Variants in LRRC4C observed in about 807,000 individuals in gnomAD.
The protein encoded by LRRC4C is leucine rich repeat containing 4C, also known as leucine-rich repeat-containing protein 4C.
In LRRC4C, 5 loss-of-function variants were observed where a neutral mutation model predicts 33.6. The ratio of observed to expected loss-of-function variants is 0.15; its 90% CI spans 0.08 to 0.31. LRRC4C has a LOEUF of 0.31. LRRC4C is among the 10% of genes least tolerant of loss of function. The probability of loss-of-function intolerance (pLI) is 1.00; values close to 1 mark genes in which losing one functional copy is unlikely to be tolerated. For synonymous variants in LRRC4C, 329 were observed against 302.0 expected (o/e 1.09, Z -0.93); for missense variants, 560 against 796.7 (o/e 0.70, Z 3.58).
chr11:41,075,172 T>G (rs1352494640), intron 1 of LRRC4C, among the ~76,000 whole-genome samples: 1 of 151,964 alleles, frequency 6.6e-6, no homozygotes, highest in Non-Finnish European at 1.5e-5. Flanking sequence ...GCAGGAGATG[T>G]TTAGGCTCAA....
intron 2 of LRRC4C, among the ~76,000 whole-genome samples, chr11:40,673,257 G>A (rs1324005119): frequency 6.6e-6 from 1 of 151,878 alleles, no homozygotes; most frequent in African/African-American, 2.4e-5. Context: ...TTAGGAGAAG[G>A]GCAGTTCTCA....
chr11:40,676,318 G>T (rs1216433958), intron 2 of LRRC4C, among the ~76,000 whole-genome samples: 3 of 152,010 alleles, frequency 2.0e-5, no homozygotes, highest in African/African-American at 7.2e-5. Context: ...TCCAATCCTT[G>T]TCTTTTGGTT....
At chr11:40,738,441 T>A (rs1947994030) in intron 2 of LRRC4C, among the ~76,000 whole-genome samples, 1 of 152,188 alleles carries the variant, frequency 6.6e-6, no homozygotes, top group African/African-American at 2.4e-5. Context: ...CTATTTCTAA[T>A]GTCTCTCTAG....
intron 1 of LRRC4C, among the ~76,000 whole-genome samples, chr11:41,001,411 T>G (rs1854366026): frequency 6.6e-6 from 1 of 152,154 alleles, no homozygotes; most frequent in South Asian, 2.1e-4. Flanking sequence ...TCAGTCTACA[T>G]AAATAAACAT....
chr11:41,339,164 A>G (rs1467613021), intron 1 of LRRC4C, among the ~76,000 whole-genome samples: 1 of 152,196 alleles, frequency 6.6e-6, no homozygotes, highest in Non-Finnish European at 1.5e-5. Flanking sequence ...ATTGGTCTTC[A>G]CTTTATGATA....
intron 3 of LRRC4C, among the ~76,000 whole-genome samples, chr11:40,454,680 A>C (rs1952051978): frequency 6.6e-6 from 1 of 152,160 alleles, no homozygotes; most frequent in African/African-American, 2.4e-5. Flanking sequence ...TGCCTTCTAC[A>C]TCCATATCTG....
intron 1 of LRRC4C, among the ~76,000 whole-genome samples, chr11:40,951,979 C>A (rs746592675): frequency 1.4e-4 from 22 of 151,800 alleles, no homozygotes; most frequent in Non-Finnish European, 2.7e-4. Flanking sequence ...CAATAATTAT[C>A]TCAAAATTTG....
At chr11:40,134,326 G>A (rs1007161723) in intron 6 of LRRC4C, among the ~76,000 whole-genome samples, 3 of 152,156 alleles carry the variant, frequency 2.0e-5, no homozygotes, top group African/African-American at 7.2e-5. Flanking sequence ...CATAGGCAGT[G>A]GAGTAGTAAG....
intron 4 of LRRC4C, among the ~76,000 whole-genome samples, chr11:40,279,324 C>G (rs1943319173): frequency 1.3e-5 from 2 of 152,160 alleles, no homozygotes; most frequent in African/African-American, 4.8e-5. Context: ...TGCAACAAAT[C>G]TGTTTCATTG....
At chr11:41,398,697 T>C (rs1361579760) in intron 1 of LRRC4C, among the ~76,000 whole-genome samples, 1 of 151,912 alleles carries the variant, frequency 6.6e-6, no homozygotes, top group Non-Finnish European at 1.5e-5. Flanking sequence ...ACTTAAAGTA[T>C]TAAGTAAATT....
At chr11:40,251,475 T>A (rs1019195963) in intron 4 of LRRC4C, among the ~76,000 whole-genome samples, 2 of 152,120 alleles carry the variant, frequency 1.3e-5, no homozygotes, top group African/African-American at 4.8e-5. Context: ...CAAACAGATA[T>A]TTCCAAGCCT....
At chr11:40,488,345 T>C (rs544989690) in intron 3 of LRRC4C, among the ~76,000 whole-genome samples, 1 of 152,148 alleles carries the variant, frequency 6.6e-6, no homozygotes, top group South Asian at 2.1e-4. Context: ...TGTAACTTTG[T>C]AACTTATAGA....
intron 1 of LRRC4C, among the ~76,000 whole-genome samples, chr11:41,162,431 C>A (rs1398677711): frequency 6.6e-6 from 1 of 152,190 alleles, no homozygotes; most frequent in African/African-American, 2.4e-5. Flanking sequence ...AGCCACGCAT[C>A]ATTTAATGAC....
At chr11:41,273,641 C>T (rs191241913) in intron 1 of LRRC4C, among the ~76,000 whole-genome samples, 43 of 152,206 alleles carry the variant, frequency 2.8e-4, no homozygotes, top group African/African-American at 1.0e-3. Context: ...TTTTCAGTTA[C>T]GCAAGACAAA....
At chr11:40,992,480 C>A (rs574558478) in intron 1 of LRRC4C, among the ~76,000 whole-genome samples, 4 of 149,780 alleles carry the variant, frequency 2.7e-5, no homozygotes, top group Admixed American at 6.7e-5. Flanking sequence ...ATGTAAAGGG[C>A]GGGATCTTAA....
chr11:40,619,656 A>G (rs1175538975), intron 3 of LRRC4C, among the ~76,000 whole-genome samples: 2 of 151,558 alleles, frequency 1.3e-5, no homozygotes, highest in South Asian at 4.2e-4. Flanking sequence ...GCCTTCCCCT[A>G]CTGCAGCCTC....
intron 2 of LRRC4C, among the ~76,000 whole-genome samples, chr11:40,716,048 A>AG (rs1946693454): frequency 1.5e-5 from 1 of 65,308 alleles, no homozygotes; most frequent in Non-Finnish European, 3.5e-5. Flanking sequence ...ACAAAAACAA[A>AG]CAAAAAAAAA....
chr11:41,423,616 G>A (rs921215295), intron 1 of LRRC4C, among the ~76,000 whole-genome samples: 1 of 152,026 alleles, frequency 6.6e-6, no homozygotes, highest in Non-Finnish European at 1.5e-5. Context: ...AGAAATGGAA[G>A]CAGTAACTTC....
In LRRC4C at chr11:40,618,261, C is replaced by T. The variant is rs1962065079; in HGVS notation, c.-270+29881G>A. Among the ~76,000 whole-genome samples, 7 of 119,004 alleles carry T rather than the reference C, an allele frequency of 5.9e-5. No homozygotes were observed. The South Asian group carries it at 1.8e-3, about 31-fold the overall frequency. The allele number at this position is 119,004 out of a possible 152,430, so 78.1% of individuals were successfully genotyped here. A position where few individuals can be genotyped will look rare whatever the true frequency, so the allele number is the denominator to read the frequency against. On this transcript the variant is annotated intron_variant, in intron 3 of 6. Coordinates refer to ENST00000528697, the MANE Select transcript of LRRC4C (RefSeq NM_001258419.2). ...AAGTAGAGGAGAGGACACACAACAG[C>T]ACCCAGGAAAGACAGCCATATGATG...
Sources: allele counts gnomAD v4.1 joint callset (sites outside exome capture counted in the v4.1 genomes callset), GRCh38; gene constraint gnomAD v4.1.1; transcripts MANE v1.5; gene names NCBI Gene and HGNC (gene_info 2026-07-23, HGNC 2026-07-21).